PTP4A1: variants seen among roughly 807,000 people sequenced by gnomAD.
PTP4A1 encodes the protein protein tyrosine phosphatase 4A1, also known as protein tyrosine phosphatase type IVA 1.
A neutral mutation model predicts 20.5 loss-of-function variants in PTP4A1; 9 were observed. The observed-to-expected ratio is 0.44, with a 90% confidence interval of 0.26 to 0.77. PTP4A1 has a LOEUF of 0.77. Ranked by LOEUF, PTP4A1 falls within the 30% of genes least tolerant of loss-of-function variation. The pLI, the probability that PTP4A1 is intolerant of heterozygous loss-of-function variation, is 0.19. For synonymous variants in PTP4A1, 78 were observed against 67.4 expected (o/e 1.16, Z -0.77); for missense variants, 137 against 218.8 (o/e 0.63, Z 2.36).
intron 2 of PTP4A1, chr6:63,549,217 G>T: frequency 1.4e-6 from 1 of 718,444 alleles, no homozygotes; most frequent in Non-Finnish European, 2.5e-6. Flanking sequence ...TTGTGGGCCA[G>T]CTGAAGTAGC....
At chr6:63,527,483 T>C (rs1775238866) in intron 1 of PTP4A1, among the ~76,000 whole-genome samples, 1 of 152,182 alleles carries the variant, frequency 6.6e-6, no homozygotes, top group Non-Finnish European at 1.5e-5. Context: ...TCTCAAAAGC[T>C]TTTCAAAATG....
chr6:63,531,508 T>C (rs184799502), intron 2 of PTP4A1, among the ~76,000 whole-genome samples: 32 of 151,528 alleles, frequency 2.1e-4, no homozygotes, highest in African/African-American at 7.3e-4. Context: ...CCATATCTAT[T>C]ATGCTTTTTT....
At chr6:63,524,691 T>C (rs1775084516) in intron 1 of PTP4A1, among the ~76,000 whole-genome samples, 1 of 152,192 alleles carries the variant, frequency 6.6e-6, no homozygotes, top group Admixed American at 6.6e-5. Context: ...ATGCAAAGTG[T>C]TATTTCTTTT....
In PTP4A1 at chr6:63,580,104, A is replaced by G. The variant is rs1778129649; in HGVS notation, c.452A>G (p.Lys151Arg). 4 of 1,613,614 alleles carry G rather than the reference A, an allele frequency of 2.5e-6. No individual in the cohort carries two copies. The highest frequency in any genetic ancestry group is 3.4e-6 in the Non-Finnish European group (4 of 1,179,794). ...FNSKQLLYLE[K>R]YRPKMRLRFK... ...AGCAAGCAACTTCTGTATTTGGAGA[A>G]GTATCGTCCTAAAATGCGGCTGCGT... The change falls in exon 6 of 6, where the codon AAG (lysine) becomes AGG (arginine). Residue 151 changes from lysine (K) to arginine (R), a missense_variant. Lys to Arg is a conservative substitution (Grantham distance 26). Coordinates refer to ENST00000626021, the MANE Select transcript of PTP4A1 (RefSeq NM_003463.5).
intron 1 of PTP4A1, among the ~76,000 whole-genome samples, chr6:63,522,906 C>T (rs1446162505): frequency 6.9e-6 from 1 of 144,918 alleles, no homozygotes; most frequent in African/African-American, 2.6e-5. Flanking sequence ...ACTCTGTCAA[C>T]CAGGCTGGAG....
At chr6:63,531,975 A>G (rs1053067510) in intron 2 of PTP4A1, among the ~76,000 whole-genome samples, 3 of 151,692 alleles carry the variant, frequency 2.0e-5, no homozygotes, top group African/African-American at 4.8e-5. Flanking sequence ...TAATTTTTGT[A>G]TTTTTAGTAG....
intron 2 of PTP4A1, among the ~76,000 whole-genome samples, chr6:63,547,437 G>C (rs184366125): frequency 6.7e-6 from 1 of 150,112 alleles, no homozygotes; most frequent in Non-Finnish European, 1.5e-5. Flanking sequence ...TGATTAATCT[G>C]CCTCGGCCTC....
chr6:63,543,720 G>T (rs1217591513), intron 2 of PTP4A1, among the ~76,000 whole-genome samples: 1 of 152,116 alleles, frequency 6.6e-6, no homozygotes, highest in Admixed American at 6.6e-5. Context: ...TGAAAGACCT[G>T]GGGCAAATCA....
At chr6:63,521,179 T>C (rs149853768), upstream of PTP4A1, among the ~76,000 whole-genome samples, 1 of 151,926 alleles carries the variant, frequency 6.6e-6, no homozygotes, top group Non-Finnish European at 1.5e-5. Flanking sequence ...TGTATACCTA[T>C]GTAACAAACC....
At chr6:63,571,943 G>C (rs1484078831), upstream of PTP4A1, 1 of 152,206 alleles carries the variant, frequency 6.6e-6, no homozygotes. Context: ...GGGTACAGCG[G>C]TCTTGCGACA....
intron 1 of PTP4A1, among the ~76,000 whole-genome samples, chr6:63,576,185 G>T (rs1024786276): frequency 6.0e-5 from 9 of 149,246 alleles, no homozygotes; most frequent in African/African-American, 2.0e-4. Context: ...AATGGGTTTG[G>T]TTTTTTTTTC....
intron 2 of PTP4A1, among the ~76,000 whole-genome samples, chr6:63,541,330 G>A (rs1234633317): frequency 1.3e-5 from 2 of 152,000 alleles, no homozygotes; most frequent in African/African-American, 4.8e-5. Context: ...CAAGGCGGGT[G>A]GATCATGAGG....
In PTP4A1 at chr6:63,581,074, ATTC is replaced by A. The variant is rs768085658; in HGVS notation, c.*903_*905del. 8 of 152,064 alleles carry A rather than the reference ATTC, an allele frequency of 5.3e-5. No individual in the cohort carries two copies. Among genetic ancestry groups the A allele is most frequent in the Non-Finnish European group, 1.2e-4 (8 of 67,974 alleles). The allele number at this position is 152,064 out of a possible 1,614,324, so 9.4% of individuals were successfully genotyped here. On this transcript the variant is annotated 3_prime_UTR_variant, in exon 6 of 6. Coordinates refer to ENST00000626021, the MANE Select transcript of PTP4A1 (RefSeq NM_003463.5). ...TTATTGTAATCATAAACTTCCTGAAATTCTTGTAATTTTTTTCCCATACTTATC... is the reference window on the plus strand; with the variant it reads ...TTATTGTAATCATAAACTTCCTGAAATTGTAATTTTTTTCCCATACTTATC...
chr6:63,523,096 C>T (rs1432808447), intron 1 of PTP4A1, among the ~76,000 whole-genome samples: 1 of 151,816 alleles, frequency 6.6e-6, no homozygotes, highest in Non-Finnish European at 1.5e-5. Context: ...AAACTCCTGA[C>T]CTCAAGTGAC....
chr6:63,516,728 G>A, the PTP4A1 span, among the ~76,000 whole-genome samples: 245 of 152,274 alleles, frequency 1.6e-3, no homozygotes, highest in Non-Finnish European at 3.0e-3. Context: ...TGAGTTTTGG[G>A]ATATATGTGG....
chr6:63,537,303 A>T (rs1454809880), intron 2 of PTP4A1, among the ~76,000 whole-genome samples: 1 of 152,194 alleles, frequency 6.6e-6, no homozygotes, highest in Non-Finnish European at 1.5e-5. Flanking sequence ...GACCTAGTGA[A>T]CCAGAAACTG....
intron 3 of PTP4A1, among the ~76,000 whole-genome samples, chr6:63,561,358 T>C (rs1056167431): frequency 3.9e-5 from 6 of 152,178 alleles, no homozygotes; most frequent in African/African-American, 1.2e-4. Context: ...ACTCAATAAA[T>C]GTCAGTCAAT....
intron 3 of PTP4A1, among the ~76,000 whole-genome samples, chr6:63,562,708 A>G (rs1777015806): frequency 6.6e-6 from 1 of 152,226 alleles, no homozygotes; most frequent in African/African-American, 2.4e-5. Context: ...ATTGTAATCT[A>G]TCAAGAGTTT....
chr6:63,560,338 CA>C (rs369689231), intron 3 of PTP4A1, among the ~76,000 whole-genome samples: 1,873 of 50,590 alleles, frequency 0.037, 11 homozygotes, highest in African/African-American at 0.1. Context: ...GACTCCGTCT[CA>C]AAAAAAAAAA....
Sources: gnomAD v4.1 joint callset for allele counts (sites outside exome capture counted in the v4.1 genomes callset) on GRCh38, gnomAD v4.1.1 for gene constraint, MANE v1.5 for transcripts, NCBI Gene and HGNC (gene_info 2026-07-23, HGNC 2026-07-21) for gene names.